GRIN2B: variants seen among roughly 807,000 people sequenced by gnomAD.
The protein encoded by GRIN2B is glutamate receptor ionotropic, NMDA 2B.
A neutral mutation model predicts 114.5 loss-of-function variants in GRIN2B; 5 were observed. That is an observed-to-expected ratio of 0.04 (90% CI 0.02 to 0.09). The LOEUF (loss-of-function observed/expected upper bound fraction) is 0.09. GRIN2B is among the 10% of genes least tolerant of loss of function. The probability of loss-of-function intolerance (pLI) is 1.00; values close to 1 mark genes in which losing one functional copy is unlikely to be tolerated. For synonymous variants in GRIN2B, 787 were observed against 745.1 expected (o/e 1.06, Z -0.92); for missense variants, 1,108 against 1,943.5 (o/e 0.57, Z 8.08).
At chr12:13,711,130 C>T (rs1163701424) in intron 4 of GRIN2B, among the ~76,000 whole-genome samples, 7 of 151,870 alleles carry the variant, frequency 4.6e-5, no homozygotes, top group South Asian at 2.1e-4. Flanking sequence ...AATGGAGAAA[C>T]GATTCCCTAT....
At chr12:13,952,354 T>A (rs147089066) in intron 2 of GRIN2B, among the ~76,000 whole-genome samples, 1 of 152,198 alleles carries the variant, frequency 6.6e-6, no homozygotes, top group South Asian at 2.1e-4. Flanking sequence ...CTCACCTTTA[T>A]ACAGTGTCCG....
intron 2 of GRIN2B, among the ~76,000 whole-genome samples, chr12:13,931,805 T>C (rs779696585): frequency 1.1e-4 from 16 of 152,188 alleles, no homozygotes; most frequent in Admixed American, 9.2e-4. Flanking sequence ...TCCCTCCATA[T>C]GCAACCTCCG....
intron 3 of GRIN2B, among the ~76,000 whole-genome samples, chr12:13,847,275 C>A (rs1865487153): frequency 2.6e-5 from 4 of 152,098 alleles, no homozygotes; most frequent in Admixed American, 2.0e-4. Flanking sequence ...ACCCAGGCCC[C>A]CACTATGACC....
intron 4 of GRIN2B, among the ~76,000 whole-genome samples, chr12:13,724,199 C>T (rs1484226317): frequency 6.6e-6 from 1 of 152,162 alleles, no homozygotes; most frequent in African/African-American, 2.4e-5. Flanking sequence ...GTAGTCCCTA[C>T]AGGCCAATAA....
At chr12:13,916,584 C>T (rs1413467441) in intron 2 of GRIN2B, among the ~76,000 whole-genome samples, 3 of 152,016 alleles carry the variant, frequency 2.0e-5, no homozygotes, top group Non-Finnish European at 4.4e-5. Context: ...CGTGGTGGCT[C>T]ACGCCTATAA....
intron 5 of GRIN2B, among the ~76,000 whole-genome samples, chr12:13,646,734 A>T (rs1213504156): frequency 1.3e-5 from 2 of 151,672 alleles, no homozygotes; most frequent in African/African-American, 4.8e-5. Context: ...TCACTATGTC[A>T]TCCAGGCTGG....
intron 4 of GRIN2B, among the ~76,000 whole-genome samples, chr12:13,733,131 G>T (rs562397185): frequency 6.6e-6 from 1 of 152,142 alleles, no homozygotes; most frequent in African/African-American, 2.4e-5. Context: ...TGAATTTCTG[G>T]TACGTGCAAC....
At chr12:13,841,899 T>G (rs1038449812) in intron 3 of GRIN2B, among the ~76,000 whole-genome samples, 18 of 152,226 alleles carry the variant, frequency 1.2e-4, no homozygotes, top group Non-Finnish European at 2.5e-4. Context: ...ATAGGACTAT[T>G]TTTTAAAAGT....
chr12:13,916,737 T>TTGTGTG (rs57501769), intron 2 of GRIN2B, among the ~76,000 whole-genome samples: 1,564 of 139,908 alleles, frequency 0.011, 24 homozygotes, highest in African/African-American at 0.025. Context: ...ACACACACAT[T>TTGTGTG]TGTGTGTGTG....
chr12:13,762,040 G>C (rs1441125302), intron 3 of GRIN2B, among the ~76,000 whole-genome samples: 3 of 152,176 alleles, frequency 2.0e-5, no homozygotes, highest in Non-Finnish European at 4.4e-5. Context: ...GTCTAGCTCT[G>C]TCACCCAGGC....
intron 8 of GRIN2B, among the ~76,000 whole-genome samples, chr12:13,612,764 G>A (rs921480794): frequency 6.6e-6 from 1 of 152,062 alleles, no homozygotes; most frequent in African/African-American, 2.4e-5. Flanking sequence ...CTCTGTAAAG[G>A]CCTATAAAAA....
chr12:13,765,157 A>G (rs2284415), intron 3 of GRIN2B, among the ~76,000 whole-genome samples: 75,546 of 152,092 alleles, frequency 0.5, 19,152 homozygotes, highest in Non-Finnish European at 0.55. Flanking sequence ...TAAAAGTGCC[A>G]ATCTGCTCAT....
chr12:13,925,872 CTTTTACA>C (rs1565589049), intron 2 of GRIN2B, among the ~76,000 whole-genome samples: 2 of 152,168 alleles, frequency 1.3e-5, no homozygotes, highest in Non-Finnish European at 2.9e-5. Context: ...GAGTGACGGG[CTTTTACA>C]TTAATCCATT....
intron 3 of GRIN2B, among the ~76,000 whole-genome samples, chr12:13,798,353 T>C (rs1023716888): frequency 4.6e-5 from 7 of 152,090 alleles, no homozygotes; most frequent in Admixed American, 1.3e-4. Context: ...GATTCAATTA[T>C]GAATAACACA....
At position 13,539,285 on chromosome 12, in the gene GRIN2B, G is replaced by T. The variant is rs561628393; in HGVS notation, c.*23498C>A. The T allele has an allele frequency of 1.3e-5, 2 of 152,232 alleles. No individual in the cohort carries two copies. The highest frequency in any genetic ancestry group is 2.9e-5 in the Non-Finnish European group (2 of 68,050). The allele number at this position is 152,232 out of a possible 1,614,324, so 9.4% of individuals were successfully genotyped here. A position where few individuals can be genotyped will look rare whatever the true frequency, so the allele number is the denominator to read the frequency against. ...ACCCAGGCTCCTTGGCCATGAGACA[G>T]AGTTCTTCTAAATGGTCTCTAGAAG... On this transcript the variant is annotated 3_prime_UTR_variant, in exon 14 of 14. Transcript: ENST00000609686.
intron 5 of GRIN2B, among the ~76,000 whole-genome samples, chr12:13,661,021 AG>A (rs1949917517): frequency 6.6e-6 from 1 of 152,202 alleles, no homozygotes; most frequent in Non-Finnish European, 1.5e-5. Flanking sequence ...CTTACATTTA[AG>A]ATGCAACATT....
chr12:13,632,740 C>T lies in GRIN2B; in HGVS notation c.1126-16083G>A, dbSNP rs150128758. Reference sequence around the variant, plus strand: ...CAAAGGTAGACAAGGTGGGATTCCACGGGGAGGGAGGGTGTGCAGGTAGAC... The same window carrying T: ...CAAAGGTAGACAAGGTGGGATTCCATGGGGAGGGAGGGTGTGCAGGTAGAC... On this transcript the variant is annotated intron_variant, in intron 5 of 13. Transcript: ENST00000609686. Among the ~76,000 whole-genome samples the T allele has an allele frequency of 7.0e-3, 1,072 of 152,156 alleles. 5 individuals carry two copies. The highest frequency in any genetic ancestry group is 0.024 in the Middle Eastern group (7 of 294).
At position 13,614,631 on chromosome 12, in the gene GRIN2B, C is replaced by T. The variant is rs181784593; in HGVS notation, c.1654+483G>A. Among the ~76,000 whole-genome samples, 334 of 152,140 alleles carry T rather than the reference C, an allele frequency of 2.2e-3. 1 individual carries two copies. Among genetic ancestry groups the T allele is most frequent in the South Asian group, 0.016 (76 of 4,818 alleles). On this transcript the variant is annotated intron_variant, in intron 8 of 13. Transcript: ENST00000609686. Reference sequence around the variant, plus strand: ...ATCTGGCAAAGCCTCAGAAAATTTGCGTGGAAACAAAAAATCTTTTTTGGT... The same window carrying T: ...ATCTGGCAAAGCCTCAGAAAATTTGTGTGGAAACAAAAAATCTTTTTTGGT...
chr12:13,794,899 T>G (rs1244870389), intron 3 of GRIN2B, among the ~76,000 whole-genome samples: 1 of 152,204 alleles, frequency 6.6e-6, no homozygotes, highest in African/African-American at 2.4e-5. Flanking sequence ...ACTGCAGGTG[T>G]GTGCTGAAAT....
Sources: allele counts gnomAD v4.1 joint callset (sites outside exome capture counted in the v4.1 genomes callset), GRCh38; gene constraint gnomAD v4.1.1; transcripts MANE v1.5; gene names NCBI Gene and HGNC (gene_info 2026-07-23, HGNC 2026-07-21).